CEP350: variants seen among roughly 807,000 people sequenced by gnomAD.
The protein encoded by CEP350 is centrosome-associated protein 350.
In CEP350, 126 loss-of-function variants were observed where a neutral mutation model predicts 331.8. The observed-to-expected ratio is 0.38, with a 90% CI of 0.33 to 0.44. The LOEUF (loss-of-function observed/expected upper bound fraction) is 0.44. Ranked by LOEUF, CEP350 falls within the 20% of genes least tolerant of loss-of-function variation. The pLI is 1.00. For missense variants in CEP350, 3,406 were observed against 3,634.6 expected (o/e 0.94, Z 1.62); for synonymous variants, 1,200 against 1,259.5 (o/e 0.95, Z 1.00).
intron 26 of CEP350, among the ~76,000 whole-genome samples, chr1:180,063,464 A>T (rs1014578295): frequency 2.6e-5 from 4 of 151,902 alleles, no homozygotes; most frequent in Non-Finnish European, 1.5e-5. Context: ...GAGTGTTAGG[A>T]TTACAGGTGT....
intron 1 of CEP350, among the ~76,000 whole-genome samples, chr1:179,974,686 C>A (rs1347749482): frequency 2.6e-5 from 4 of 152,084 alleles, no homozygotes; most frequent in African/African-American, 9.7e-5. Context: ...TATATAATGA[C>A]AAGAACTATG....
intron 37 of CEP350, among the ~76,000 whole-genome samples, chr1:180,108,813 G>A (rs921684029): frequency 1.3e-5 from 2 of 152,180 alleles, no homozygotes; most frequent in Non-Finnish European, 2.9e-5. Context: ...ATAGGCTTAA[G>A]TACAATGTAA....
At chr1:180,090,439 G>C (rs377016989) in intron 32 of CEP350, among the ~76,000 whole-genome samples, 2 of 149,396 alleles carry the variant, frequency 1.3e-5, no homozygotes, top group Admixed American at 1.4e-4. Context: ...CCAGCTACTC[G>C]GGAGGCTGAG....
rs779277700 is a variant in CEP350 at position 179,996,910 on chromosome 1, G to A, written c.753G>A (p.Ala251=). ...NNMAHDTDPK[A]LRLTDSSPSS... is the part of the protein sequence containing the mutation. ...TGGCCCATGATACTGATCCAAAAGC[G>A]TTACGACTAACTGACTCTTCTCCAT... Residue 251 remains alanine (A), a synonymous_variant, in exon 6 of 38, where the codon GCG becomes GCA. Coordinates refer to ENST00000367607, the MANE Select transcript of CEP350 (RefSeq NM_014810.5). 37 of 1,613,968 alleles carry A rather than the reference G, an allele frequency of 2.3e-5. No homozygotes were observed. The highest frequency in any genetic ancestry group is 3.3e-5 in the Admixed American group (2 of 60,020).
At chr1:180,034,463 GT>G (rs898305642) in intron 16 of CEP350, among the ~76,000 whole-genome samples, 2 of 109,980 alleles carry the variant, frequency 1.8e-5, no homozygotes, top group African/African-American at 6.7e-5. Context: ...ATACTGCGGG[GT>G]TTTTTTGTCT....
intron 28 of CEP350, among the ~76,000 whole-genome samples, chr1:180,076,380 AC>A (rs1415383546): frequency 6.6e-6 from 1 of 152,236 alleles, no homozygotes; most frequent in Non-Finnish European, 1.5e-5. Context: ...AAATCCTAAT[AC>A]TTAATGACAG....
Position 180,036,928 on chromosome 1 carries a change from T to C in CEP350, c.3949T>C (p.Ser1317Pro), listed in dbSNP as rs765842458. Residue 1317 changes from serine to proline, a missense_variant and splice_region_variant, in exon 17 of 38, where the codon TCT (serine) becomes CCT (proline). Physicochemically the swap from Ser to Pro is moderately conservative, Grantham distance 74. Around this residue, in one of 5 missense-constraint regions of CEP350, gnomAD observed 1,857 missense variants for 1,909.2 expected, o/e 0.97. Transcript: ENST00000367607. Reference sequence around the variant, plus strand: ...TTGACCATTGTCATGCCTTCCAGGTTCTAAGCGCTTTTCTCCTGCTGGCCT... The same window carrying C: ...TTGACCATTGTCATGCCTTCCAGGTCCTAAGCGCTTTTCTCCTGCTGGCCT... Reference protein sequence around the residue: ...TTENMAPIPGSKRFSPAGLHH... With the variant: ...TTENMAPIPGPKRFSPAGLHH... 10 of 1,563,434 alleles carry C rather than the reference T, an allele frequency of 6.4e-6. No homozygotes were observed. In the Admixed American group the frequency reaches 1.4e-4, roughly 22 times the overall value.
At chr1:180,016,696 C>G (rs1349405006) in intron 11 of CEP350, among the ~76,000 whole-genome samples, 1 of 140,950 alleles carries the variant, frequency 7.1e-6, no homozygotes, top group Non-Finnish European at 1.5e-5. Flanking sequence ...GGGTTTCACT[C>G]TCTTGCCCAG....
chr1:180,073,897 C>T, intron 27 of CEP350: 1 of 1,304,740 alleles, frequency 7.7e-7, no homozygotes, highest in Non-Finnish European at 1.0e-6. Context: ...ATATCTACAA[C>T]CAGTTGGTCA....
At chr1:180,108,730 G>GA (rs1273748377) in intron 37 of CEP350, among the ~76,000 whole-genome samples, 3 of 152,172 alleles carry the variant, frequency 2.0e-5, no homozygotes, top group African/African-American at 7.2e-5. Context: ...AGATACCCAT[G>GA]ATTCTGTGGT....
chr1:180,007,522 A>G (rs1190051946), intron 8 of CEP350, among the ~76,000 whole-genome samples: 1 of 152,164 alleles, frequency 6.6e-6, no homozygotes, highest in East Asian at 1.9e-4. Flanking sequence ...TCAGATGGAT[A>G]GATTGCAAAA....
At chr1:180,016,332 T>G (rs920299858) in intron 11 of CEP350, among the ~76,000 whole-genome samples, 3 of 152,242 alleles carry the variant, frequency 2.0e-5, no homozygotes, top group Non-Finnish European at 4.4e-5. Context: ...TATTTAAAAT[T>G]TCTTATGTGT....
intron 20 of CEP350, 120 bp downstream of exon 20, chr1:180,043,312 T>C (rs1458240012): frequency 3.3e-6 from 4 of 1,197,820 alleles, no homozygotes; most frequent in Non-Finnish European, 4.5e-6. Flanking sequence ...AATACAGTTA[T>C]GGGCATAGTC....
chr1:180,102,104 G>A (rs1470131116), intron 37 of CEP350, among the ~76,000 whole-genome samples: 2 of 152,036 alleles, frequency 1.3e-5, no homozygotes, highest in African/African-American at 4.8e-5. Context: ...AAGGAGGGCG[G>A]GCCTGCCACT....
At chr1:180,052,087 A>ATGTATT (rs1558128099) in intron 22 of CEP350, 5 of 338,532 alleles carry the variant, frequency 1.5e-5, no homozygotes, top group African/African-American at 1.1e-4. Context: ...AACTATGTGC[A>ATGTATT]CACACGTATA....
rs752112986 is a variant in CEP350 at position 180,084,135 on chromosome 1, A to T, written c.6242A>T (p.Glu2081Val). ...LKKEQKKRQK[E>V]RLKAQEASLI... Reference sequence around the variant, plus strand: ...AAGGAACAGAAAAAAAGGCAAAAGGAAAGACTGAAAGCCCAAGAAGCCAGT... The same window carrying T: ...AAGGAACAGAAAAAAAGGCAAAAGGTAAGACTGAAAGCCCAAGAAGCCAGT... Residue 2081 changes from glutamate (E) to valine (V), a missense_variant, in exon 31 of 38, where the codon GAA becomes GTA. By Grantham distance (121) the Glu-to-Val change is moderately radical. Around this residue, in one of 5 missense-constraint regions of CEP350, gnomAD observed 1,415 missense variants for 1,512.3 expected, o/e 0.94. Coordinates refer to ENST00000367607, the MANE Select transcript of CEP350 (RefSeq NM_014810.5). The T allele has an allele frequency of 1.3e-6, 2 of 1,586,836 alleles. No homozygotes were observed. The highest frequency in any genetic ancestry group is 1.7e-6 in the Non-Finnish European group (2 of 1,166,032).
At chr1:179,998,386 GCAACCTC>G (rs2148721859) in intron 6 of CEP350, among the ~76,000 whole-genome samples, 1 of 146,660 alleles carries the variant, frequency 6.8e-6, no homozygotes, top group East Asian at 2.0e-4. Context: ...TCGGCCCACT[GCAACCTC>G]TGCCTCCCAG....
chr1:180,094,738 G>C (rs762023556), intron 34 of CEP350, 122 bp downstream of exon 34: 50 of 1,082,020 alleles, frequency 4.6e-5, no homozygotes, highest in Admixed American at 1.4e-4. Context: ...TTCCCTTGAC[G>C]TGTTGTTTAT....
intron 27 of CEP350, chr1:180,073,784 A>G (rs1279060671): frequency 7.7e-7 from 1 of 1,302,932 alleles, no homozygotes; most frequent in Non-Finnish European, 1.0e-6. Flanking sequence ...CTTATTTTGT[A>G]GACACTGCTC....
Sources: allele counts gnomAD v4.1 joint callset (sites outside exome capture counted in the v4.1 genomes callset), GRCh38; gene constraint gnomAD v4.1.1; regional missense constraint gnomAD v4.1.1; transcripts MANE v1.5; gene names NCBI Gene and HGNC (gene_info 2026-07-23, HGNC 2026-07-21).